ANGPT1: variants seen among roughly 807,000 people sequenced by gnomAD.
ANGPT1 encodes the protein angiopoietin-1.
Under a neutral mutation model 62.2 loss-of-function variants are expected in ANGPT1, and 17 were observed. That is an observed-to-expected ratio of 0.27 (90% CI 0.19 to 0.41). The LOEUF (loss-of-function observed/expected upper bound fraction) is 0.41, where lower values mean the gene tolerates loss of function less well. Among genes scored for constraint, ANGPT1 ranks in the 10% least tolerant of loss-of-function variants. ANGPT1 has a pLI of 1.00. For synonymous variants in ANGPT1, 199 were observed against 198.9 expected (o/e 1.00, Z 0.00); for missense variants, 478 against 594.9 (o/e 0.80, Z 2.04).
intron 1 of ANGPT1, among the ~76,000 whole-genome samples, chr8:107,413,358 C>T (rs952719309): frequency 3.9e-5 from 6 of 152,082 alleles, no homozygotes; most frequent in Non-Finnish European, 8.8e-5. Flanking sequence ...TGCCTCGAAT[C>T]TTCTGTAGCT....
intron 6 of ANGPT1, among the ~76,000 whole-genome samples, chr8:107,292,381 C>A (rs1814299616): frequency 6.6e-6 from 1 of 152,118 alleles, no homozygotes; most frequent in East Asian, 1.9e-4. Context: ...TTTATGTGAC[C>A]CCCTAAACTA....
intron 1 of ANGPT1, among the ~76,000 whole-genome samples, chr8:107,413,073 G>A (rs1810632099): frequency 1.3e-5 from 2 of 152,106 alleles, no homozygotes; most frequent in South Asian, 4.1e-4. Context: ...AAGAACATAA[G>A]TATTTTTCTG....
intron 1 of ANGPT1, among the ~76,000 whole-genome samples, chr8:107,477,844 T>A (rs1336052751): frequency 6.6e-6 from 1 of 152,148 alleles, no homozygotes; most frequent in Admixed American, 6.6e-5. Flanking sequence ...CCCGACCCAA[T>A]TTCTTTCTCT....
At chr8:107,265,549 AAG>A (rs1813593219) in intron 7 of ANGPT1, among the ~76,000 whole-genome samples, 1 of 152,164 alleles carries the variant, frequency 6.6e-6, no homozygotes, top group South Asian at 2.1e-4. Flanking sequence ...TTCTCTGGCT[AAG>A]ACTCTAGCCC....
intron 1 of ANGPT1, among the ~76,000 whole-genome samples, chr8:107,413,284 C>A (rs917104747): frequency 1.3e-5 from 2 of 152,242 alleles, no homozygotes; most frequent in Non-Finnish European, 1.5e-5. Flanking sequence ...ACTCTTCTTC[C>A]TGGTCCCCTT....
Position 107,316,782 on chromosome 8 carries a change from G to A in ANGPT1, c.808+5114C>T, listed in dbSNP as rs370205573. Reference sequence around the variant, plus strand: ...ATGACTTCTGGAAAATAAACATGCCGTTTGTACTCTCTGGTGTGTCCTTCA... The same window carrying A: ...ATGACTTCTGGAAAATAAACATGCCATTTGTACTCTCTGGTGTGTCCTTCA... On this transcript the variant is annotated intron_variant, in intron 4 of 8. Coordinates refer to ENST00000517746, the MANE Select transcript of ANGPT1 (RefSeq NM_001146.5). Among the ~76,000 whole-genome samples the A allele has an allele frequency of 2.6e-4, 39 of 152,214 alleles. 1 individual carries two copies. Among genetic ancestry groups the A allele is most frequent in the East Asian group, 1.5e-3 (8 of 5,180 alleles).
Position 107,347,053 on chromosome 8 carries a change from C to T in ANGPT1, c.342G>A (p.Gln114=), listed in dbSNP as rs200040737. 3 of 1,613,770 alleles carry T rather than the reference C, an allele frequency of 1.9e-6. No individual in the cohort carries two copies. The highest frequency in any genetic ancestry group is 2.7e-5 in the African/African-American group (2 of 74,908). ...GGTTCTGAACTGCATTCTGCTGTAT[C>T]TGGGCCATCTCCGACTTCATGTTTT... ...IVENMKSEMA[Q]IQQNAVQNHT... Residue 114 remains glutamine, a synonymous_variant, in exon 2 of 9, where the codon CAG becomes CAA. Coordinates refer to ENST00000517746, the MANE Select transcript of ANGPT1 (RefSeq NM_001146.5).
chr8:107,266,626 T>C (rs1257980844), intron 7 of ANGPT1, among the ~76,000 whole-genome samples: 1 of 152,202 alleles, frequency 6.6e-6, no homozygotes, highest in Non-Finnish European at 1.5e-5. Context: ...ATTTTAACTC[T>C]GATTTTTTGT....
chr8:107,456,514 C>T (rs772969011), intron 1 of ANGPT1, among the ~76,000 whole-genome samples: 6 of 152,056 alleles, frequency 3.9e-5, no homozygotes, highest in Non-Finnish European at 5.9e-5. Context: ...AGTATCTGAA[C>T]TCAAACTAGC....
At chr8:107,399,633 G>A (rs1218838950) in intron 1 of ANGPT1, among the ~76,000 whole-genome samples, 3 of 152,136 alleles carry the variant, frequency 2.0e-5, no homozygotes, top group Non-Finnish European at 4.4e-5. Flanking sequence ...TCATAGGATA[G>A]TGGCTGAGCC....
chr8:107,412,367 AGTGAAT>A (rs1311050706), intron 1 of ANGPT1, among the ~76,000 whole-genome samples: 1 of 152,142 alleles, frequency 6.6e-6, no homozygotes, highest in African/African-American at 2.4e-5. Flanking sequence ...CATAGGGAAG[AGTGAAT>A]TCCTGAACAA....
intron 1 of ANGPT1, among the ~76,000 whole-genome samples, chr8:107,479,629 A>T (rs1812623125): frequency 6.6e-6 from 1 of 152,206 alleles, no homozygotes; most frequent in African/African-American, 2.4e-5. Context: ...CTGGATTCAA[A>T]CTTACAGCCT....
intron 2 of ANGPT1, among the ~76,000 whole-genome samples, chr8:107,338,757 A>G (rs576068464): frequency 2.5e-4 from 38 of 152,368 alleles, no homozygotes; most frequent in African/African-American, 8.9e-4. Flanking sequence ...ACTTTCAACT[A>G]TTAAACATAT....
At chr8:107,302,227 C>T (rs1009361216) in intron 5 of ANGPT1, among the ~76,000 whole-genome samples, 1 of 151,766 alleles carries the variant, frequency 6.6e-6, no homozygotes, top group African/African-American at 2.4e-5. Flanking sequence ...GAGAAGATTC[C>T]AAGAGCATTG....
intron 2 of ANGPT1, among the ~76,000 whole-genome samples, chr8:107,339,923 C>G (rs146547213): frequency 2.6e-5 from 4 of 152,184 alleles, no homozygotes; most frequent in African/African-American, 9.7e-5. Flanking sequence ...GAAGTCCAGG[C>G]TAAATGCCGA....
chr8:107,424,196 A>G (rs962467502), intron 1 of ANGPT1, among the ~76,000 whole-genome samples: 1 of 152,156 alleles, frequency 6.6e-6, no homozygotes, highest in Non-Finnish European at 1.5e-5. Context: ...ACACAACCAA[A>G]TAATGGCTAT....
At chr8:107,262,456 G>A (rs996264039) in intron 8 of ANGPT1, among the ~76,000 whole-genome samples, 4 of 152,142 alleles carry the variant, frequency 2.6e-5, no homozygotes, top group African/African-American at 4.8e-5. Flanking sequence ...AATGGCAAAT[G>A]CTAGCTGTCA....
In ANGPT1 at chr8:107,330,230, T is replaced by C. The variant is rs543786052; in HGVS notation, c.575+5920A>G. ...ACACACATTAACTCAATCTTCATCT[T>C]AACTTCATACAGTACAATTATTGTC... On this transcript the variant is annotated intron_variant, in intron 3 of 8. Coordinates refer to ENST00000517746, the MANE Select transcript of ANGPT1 (RefSeq NM_001146.5). Among the ~76,000 whole-genome samples, 11 of 152,312 alleles carry C rather than the reference T, an allele frequency of 7.2e-5. No homozygotes were observed. The East Asian group carries it at 1.2e-3, about 16-fold the overall frequency.
At chr8:107,262,894 T>C (rs1026727532) in intron 8 of ANGPT1, among the ~76,000 whole-genome samples, 1 of 152,254 alleles carries the variant, frequency 6.6e-6, no homozygotes, top group African/African-American at 2.4e-5. Flanking sequence ...CAGTCATGTA[T>C]CAACTTCACA....
Sources: allele counts gnomAD v4.1 joint callset (sites outside exome capture counted in the v4.1 genomes callset), GRCh38; gene constraint gnomAD v4.1.1; transcripts MANE v1.5; gene names NCBI Gene and HGNC (gene_info 2026-07-23, HGNC 2026-07-21).